The following FOXP1 variants were observed in gnomAD, a reference collection of about 807,000 sequenced individuals.
FOXP1 encodes the protein forkhead box P1, also known as forkhead box protein P1.
In FOXP1, 15 loss-of-function variants were observed where a neutral mutation model predicts 98.2. That is an observed-to-expected ratio of 0.15 (90% CI 0.10 to 0.24). The LOEUF is 0.24. Ranked by LOEUF, FOXP1 falls within the 10% of genes least tolerant of loss-of-function variation. The pLI, the probability that FOXP1 is intolerant of heterozygous loss-of-function variation, is 1.00. For synonymous variants in FOXP1, 371 were observed against 314.5 expected (o/e 1.18, Z -1.90); for missense variants, 633 against 848.5 (o/e 0.75, Z 3.15).
At chr3:71,529,815 G>C (rs2043687866) in intron 2 of FOXP1, among the ~76,000 whole-genome samples, 1 of 152,142 alleles carries the variant, frequency 6.6e-6, no homozygotes, top group South Asian at 2.1e-4. Flanking sequence ...CCATTTGGCT[G>C]TTCATCAGTA....
chr3:71,568,209 A>G (rs1248693899), intron 2 of FOXP1, among the ~76,000 whole-genome samples: 1 of 152,216 alleles, frequency 6.6e-6, no homozygotes, highest in African/African-American at 2.4e-5. Flanking sequence ...GAAATGGCTA[A>G]GATGTTGTAC....
intron 7 of FOXP1, among the ~76,000 whole-genome samples, chr3:71,092,385 A>G (rs1211199490): frequency 1.3e-5 from 2 of 151,974 alleles, no homozygotes; most frequent in East Asian, 3.9e-4. Context: ...CAAAAAAAGA[A>G]AAAAAAGAAA....
intron 6 of FOXP1, among the ~76,000 whole-genome samples, chr3:71,125,478 G>A (rs2059101449): frequency 1.3e-5 from 2 of 152,096 alleles, no homozygotes; most frequent in East Asian, 3.8e-4. Context: ...CACACAAAAA[G>A]GTAACTTTGT....
At chr3:71,518,931 T>C (rs1368549611) in intron 2 of FOXP1, among the ~76,000 whole-genome samples, 1 of 152,066 alleles carries the variant, frequency 6.6e-6, no homozygotes, top group Non-Finnish European at 1.5e-5. Context: ...TAGATGAAAG[T>C]GGTTACATAG....
At chr3:71,199,101 G>T in intron 5 of FOXP1, among the ~76,000 whole-genome samples, 1 of 137,124 alleles carries the variant, frequency 7.3e-6, no homozygotes, top group Non-Finnish European at 1.5e-5. Flanking sequence ...ACTATTTGTT[G>T]GTATTACACT....
In FOXP1 at chr3:71,568,469, C is replaced by T. The variant is rs77702576; in HGVS notation, c.-298+13080G>A. On this transcript the variant is annotated intron_variant, in intron 2 of 20. Transcript: ENST00000649528. ...TGGACATGTGACCTGTGCAGTCCCA[C>T]AGGGCCCCACATACAGAAAAGCCCC... Among the ~76,000 whole-genome samples the T allele has an allele frequency of 2.2e-3, 338 of 152,246 alleles. 1 individual carries two copies. Among genetic ancestry groups the T allele is most frequent in the African/African-American group, 8.0e-3 (332 of 41,542 alleles).
rs2049094988 is a variant in FOXP1 at position 71,046,840 on chromosome 3, T to C, written c.664+102A>G. 3 of 1,321,298 alleles carry C rather than the reference T, an allele frequency of 2.3e-6. No homozygotes were observed. The East Asian group carries it at 6.9e-5, about 30-fold the overall frequency. The allele number at this position is 1,321,298 out of a possible 1,614,324, so 81.8% of individuals were successfully genotyped here. The stretch of plus-strand genomic sequence containing the variant: ...CTTTTCTTAAAAGAATCTATGTGCA[T>C]GTTTTGATGGACAATGTCCTTAACA... On this transcript the variant is annotated intron_variant, in intron 10 of 20. Coordinates refer to ENST00000649528, the MANE Select transcript of FOXP1 (RefSeq NM_001349338.3).
chr3:71,255,147 T>C (rs1321673136), intron 5 of FOXP1, among the ~76,000 whole-genome samples: 1 of 152,180 alleles, frequency 6.6e-6, no homozygotes, highest in Non-Finnish European at 1.5e-5. Flanking sequence ...CTCGGACCTA[T>C]AGATCATAAG....
At chr3:71,101,277 A>C (rs1178241327) in intron 7 of FOXP1, among the ~76,000 whole-genome samples, 1 of 152,204 alleles carries the variant, frequency 6.6e-6, no homozygotes, top group African/African-American at 2.4e-5. Flanking sequence ...AAGGCGAGCT[A>C]AGAGAGAACC....
chr3:71,504,260 C>A (rs1475620518), intron 2 of FOXP1, among the ~76,000 whole-genome samples: 2 of 151,944 alleles, frequency 1.3e-5, no homozygotes, highest in Non-Finnish European at 1.5e-5. Flanking sequence ...TTTCAAAAAA[C>A]CCACCAAGGA....
At chr3:71,074,344 A>T (rs888974420) in intron 7 of FOXP1, among the ~76,000 whole-genome samples, 1 of 152,116 alleles carries the variant, frequency 6.6e-6, no homozygotes, top group Non-Finnish European at 1.5e-5. Flanking sequence ...CTTCTGCCTC[A>T]GCCTCCCCAG....
chr3:71,469,883 C>T (rs532704481), intron 3 of FOXP1, among the ~76,000 whole-genome samples: 2 of 152,028 alleles, frequency 1.3e-5, no homozygotes, highest in Non-Finnish European at 2.9e-5. Flanking sequence ...GGTCTTATGC[C>T]TATAGATAAA....
At chr3:71,551,050 G>A (rs2045740214) in intron 2 of FOXP1, among the ~76,000 whole-genome samples, 1 of 152,172 alleles carries the variant, frequency 6.6e-6, no homozygotes, top group Non-Finnish European at 1.5e-5. Flanking sequence ...AGGAAACACT[G>A]AGAAAACTGG....
At position 71,070,396 on chromosome 3, in the gene FOXP1, C is replaced by T. The variant is rs1361930698; in HGVS notation, c.283-16623G>A. Among the ~76,000 whole-genome samples, 3 of 152,204 alleles carry T rather than the reference C, an allele frequency of 2.0e-5. No homozygotes were observed. In the South Asian group the frequency reaches 6.2e-4, roughly 31 times the overall value. Reference sequence around the variant, plus strand: ...ATGTCGGCGCATTTTCAATAAAACACCTTCTTAGCAGTAATGGGCCACTGT... The same window carrying T: ...ATGTCGGCGCATTTTCAATAAAACATCTTCTTAGCAGTAATGGGCCACTGT... On this transcript the variant is annotated intron_variant, in intron 7 of 20. Transcript: ENST00000649528.
At chr3:71,523,003 AT>A (rs1263063339) in intron 2 of FOXP1, among the ~76,000 whole-genome samples, 10 of 152,206 alleles carry the variant, frequency 6.6e-5, no homozygotes, top group Non-Finnish European at 1.5e-4. Context: ...TACTTGGAAT[AT>A]GATTGCTGCA....
chr3:71,485,161 CA>C (rs894138643), intron 3 of FOXP1, among the ~76,000 whole-genome samples: 1 of 152,118 alleles, frequency 6.6e-6, no homozygotes, highest in African/African-American at 2.4e-5. Context: ...GGGTAGAGGA[CA>C]GGGGTGCAGA....
chr3:71,092,232 A>G (rs1448938171), intron 7 of FOXP1, among the ~76,000 whole-genome samples: 5 of 151,742 alleles, frequency 3.3e-5, no homozygotes, highest in African/African-American at 1.2e-4. Flanking sequence ...TTAGCTGGGC[A>G]TGGTGGTGCA....
intron 20 of FOXP1, among the ~76,000 whole-genome samples, chr3:70,963,205 G>T (rs1208497465): frequency 6.6e-6 from 1 of 152,196 alleles, no homozygotes; most frequent in South Asian, 2.1e-4. Flanking sequence ...ATGCAGAGTG[G>T]ATGCAGAGTG....
chr3:71,067,071 G>A (rs2052608116), intron 7 of FOXP1, among the ~76,000 whole-genome samples: 2 of 152,172 alleles, frequency 1.3e-5, no homozygotes, highest in Admixed American at 1.3e-4. Flanking sequence ...AGGCCCACTG[G>A]GGAGGTGGCA....
Sources: allele counts gnomAD v4.1 joint callset (sites outside exome capture counted in the v4.1 genomes callset), GRCh38; gene constraint gnomAD v4.1.1; transcripts MANE v1.5; gene names NCBI Gene and HGNC (gene_info 2026-07-23, HGNC 2026-07-21).